Variants in PLPP1 observed in about 807,000 individuals in gnomAD.
The protein encoded by PLPP1 is lipid phosphate phosphohydrolase 1a.
In PLPP1, 24 loss-of-function variants were observed where a neutral mutation model predicts 31.2. The ratio of observed to expected loss-of-function variants is 0.77; its 90% CI spans 0.56 to 1.08. The LOEUF (loss-of-function observed/expected upper bound fraction) is 1.08. Ranked by LOEUF, PLPP1 falls within the 50% of genes least tolerant of loss-of-function variation. PLPP1 has a pLI of 0.00. For missense variants in PLPP1, 319 were observed against 342.7 expected, an observed-to-expected ratio of 0.93 and a Z score of 0.55; for synonymous variants, 146 against 126.3, an observed-to-expected ratio of 1.16 and a Z score of -1.05.
intron 1 of PLPP1, among the ~76,000 whole-genome samples, chr5:55,524,259 G>T (rs1007229363): frequency 6.6e-6 from 1 of 151,980 alleles, no homozygotes; most frequent in Non-Finnish European, 1.5e-5. Context: ...AATAGCCAAT[G>T]AGCTTAAAAA....
At chr5:55,433,438 A>G (rs1421497486) in intron 4 of PLPP1, among the ~76,000 whole-genome samples, 7 of 28,546 alleles carry the variant, frequency 2.5e-4, no homozygotes, top group African/African-American at 5.8e-4. Flanking sequence ...GACTCTACCA[A>G]AAAACTCTTA....
rs775025139 is a variant in PLPP1, at chr5:55,424,934, T to C, written c.*272A>G. On this transcript the variant is annotated 3_prime_UTR_variant, in exon 6 of 6. Transcript: ENST00000307259. ...AGAAAGCATATTACATACATGTTTA[T>C]ACATAAGCATTACATTTTTTTAATA... 1.6e-5 allele frequency: 10 copies of C among 632,906 alleles called. No individual in the cohort carries two copies. Among genetic ancestry groups the C allele is most frequent in the Non-Finnish European group, 2.4e-5 (9 of 369,170 alleles). 39.2% of individuals were successfully genotyped at this position (632,906 alleles called of 1,614,324 possible).
At chr5:55,456,967 C>G (rs1752027674) in intron 3 of PLPP1, among the ~76,000 whole-genome samples, 1 of 152,020 alleles carries the variant, frequency 6.6e-6, no homozygotes, top group African/African-American at 2.4e-5. Context: ...TGAGACCAGC[C>G]TGGCCAACAT....
At chr5:55,468,341 A>T in intron 2 of PLPP1, 192 bp from the exon 3 acceptor site, 1 of 524,010 alleles carries the variant, frequency 1.9e-6, no homozygotes, top group Non-Finnish European at 3.3e-6. Context: ...AACAGGTGTC[A>T]TATCAATGGT....
chr5:55,441,103 A>G (rs1164883206), intron 4 of PLPP1, among the ~76,000 whole-genome samples: 1 of 152,216 alleles, frequency 6.6e-6, no homozygotes. Flanking sequence ...AATAAAAATC[A>G]AGTAAAATTG....
intron 1 of PLPP1, among the ~76,000 whole-genome samples, chr5:55,532,676 C>T (rs1740712791): frequency 1.3e-5 from 2 of 152,028 alleles, no homozygotes; most frequent in Admixed American, 1.3e-4. Context: ...AGACAGTGTT[C>T]AGTTGGGCGC....
At chr5:55,501,773 G>C (rs1433294918) in intron 1 of PLPP1, among the ~76,000 whole-genome samples, 1 of 152,166 alleles carries the variant, frequency 6.6e-6, no homozygotes, top group African/African-American at 2.4e-5. Context: ...CAAAGTGCTG[G>C]GATTACAGGC....
intron 1 of PLPP1, among the ~76,000 whole-genome samples, chr5:55,504,269 G>A (rs949330573): frequency 3.3e-5 from 5 of 151,540 alleles, no homozygotes; most frequent in Admixed American, 2.0e-4. Flanking sequence ...CTTAGGCTGA[G>A]GCAGAGAATT....
In PLPP1 at chr5:55,452,082, A is replaced by G. The variant is rs1025085181; in HGVS notation, c.492-10174T>C. ...AAACTGTTGAGCAAAGAGTAAACAC[A>G]CTCTTCCTAAGCCCCAACAGCTCCA... On this transcript the variant is annotated intron_variant, in intron 3 of 5. Coordinates refer to ENST00000307259, the MANE Select transcript of PLPP1 (RefSeq NM_003711.4). Among the ~76,000 whole-genome samples the G allele has an allele frequency of 2.6e-5, 4 of 152,082 alleles. 1 individual carries two copies. Among genetic ancestry groups the G allele is most frequent in the Non-Finnish European group, 5.9e-5 (4 of 68,002 alleles).
intron 3 of PLPP1, among the ~76,000 whole-genome samples, chr5:55,443,190 A>ATATATATATATATAT (rs1458750100): frequency 1.6e-3 from 33 of 20,370 alleles, no homozygotes; most frequent in Non-Finnish European, 3.9e-3. Context: ...AAAAAAAAAA[A>ATATATATATATATAT]AAATATATAT....
chr5:55,436,324 G>C (rs113920849), intron 4 of PLPP1, among the ~76,000 whole-genome samples: 4 of 152,192 alleles, frequency 2.6e-5, no homozygotes, highest in African/African-American at 9.6e-5. Flanking sequence ...CTGAATCATG[G>C]GGGCAGGTCT....
intron 1 of PLPP1, among the ~76,000 whole-genome samples, chr5:55,515,885 A>G (rs1172361882): frequency 6.6e-6 from 1 of 152,140 alleles, no homozygotes; most frequent in Non-Finnish European, 1.5e-5. Flanking sequence ...ACGATTCTCA[A>G]AAGTCTGACC....
intron 1 of PLPP1, among the ~76,000 whole-genome samples, chr5:55,532,954 CA>C (rs61144694): frequency 0.81 from 98,176 of 121,336 alleles, 39,120 homozygotes; most frequent in South Asian, 0.87. Context: ...AGACCGTCTC[CA>C]AAAAAAAAAA....
intron 3 of PLPP1, among the ~76,000 whole-genome samples, chr5:55,451,941 A>G (rs1751903697): frequency 6.6e-6 from 1 of 152,196 alleles, no homozygotes; most frequent in East Asian, 1.9e-4. Flanking sequence ...CTTATCGTAC[A>G]ACATTTAGGT....
chr5:55,460,250 T>C (rs1388678451), intron 3 of PLPP1, among the ~76,000 whole-genome samples: 1 of 152,136 alleles, frequency 6.6e-6, no homozygotes, highest in Non-Finnish European at 1.5e-5. Context: ...TCTAAGCATC[T>C]ACTTTATGAA....
At chr5:55,441,284 A>G (rs531057802) in intron 4 of PLPP1, among the ~76,000 whole-genome samples, 18 of 152,312 alleles carry the variant, frequency 1.2e-4, no homozygotes, top group African/African-American at 4.1e-4. Flanking sequence ...CTGCTGCTCT[A>G]CAGGTTGGCA....
chr5:55,521,212 G>A (rs940953237), intron 1 of PLPP1, among the ~76,000 whole-genome samples: 2 of 152,104 alleles, frequency 1.3e-5, no homozygotes, highest in Non-Finnish European at 2.9e-5. Context: ...AATTAGCCAG[G>A]CGTGGTGGCA....
intron 1 of PLPP1, among the ~76,000 whole-genome samples, chr5:55,511,644 T>A (rs142641222): frequency 0.057 from 7,974 of 140,374 alleles, 422 homozygotes; most frequent in African/African-American, 0.12. Context: ...ATTTAACACG[T>A]GTTGAGTTTT....
chr5:55,453,802 G>A (rs112873532), intron 3 of PLPP1, among the ~76,000 whole-genome samples: 14 of 152,196 alleles, frequency 9.2e-5, no homozygotes, highest in African/African-American at 3.1e-4. Flanking sequence ...TTAGCCGGGT[G>A]CAGTGGCACA....
Sources: allele counts gnomAD v4.1 joint callset (sites outside exome capture counted in the v4.1 genomes callset), GRCh38; gene constraint gnomAD v4.1.1; transcripts MANE v1.5; gene names NCBI Gene and HGNC (gene_info 2026-07-23, HGNC 2026-07-21).